The following ARHGAP6 variants were observed in gnomAD, a reference collection of about 807,000 sequenced individuals.
ARHGAP6 encodes rho GTPase-activating protein 6.
A neutral mutation model predicts 55.7 loss-of-function variants in ARHGAP6; 16 were observed. The observed-to-expected ratio is 0.29, with a 90% CI of 0.19 to 0.44. The LOEUF is 0.44. Ranked by LOEUF, ARHGAP6 falls within the 20% of genes least tolerant of loss-of-function variation. ARHGAP6 has a pLI of 1.00. For missense variants in ARHGAP6, 698 were observed against 808.9 expected (o/e 0.86, Z 1.66); for synonymous variants, 382 against 360.9 (o/e 1.06, Z -0.66).
At chrX:11,582,437 A>G (rs1317862414) in intron 1 of ARHGAP6, among the ~76,000 whole-genome samples, 3 of 112,146 alleles carry the variant, frequency 2.7e-5, no homozygotes, top group Non-Finnish European at 5.6e-5. Flanking sequence ...CTTCAATTTC[A>G]TTTCTTTGAA....
intron 1 of ARHGAP6, among the ~76,000 whole-genome samples, chrX:11,446,927 T>C (rs1300891671): frequency 8.9e-6 from 1 of 112,118 alleles, no homozygotes; most frequent in East Asian, 2.8e-4. Context: ...AAAAAAGTGC[T>C]TATTAATGAG....
intron 2 of ARHGAP6, among the ~76,000 whole-genome samples, chrX:11,249,089 C>A (rs979139939): frequency 8.9e-6 from 1 of 111,762 alleles, no homozygotes; most frequent in Admixed American, 9.5e-5. Context: ...TACTACTCAG[C>A]CATAAGAAGG....
chrX:11,651,858 G>A (rs1478419853), intron 1 of ARHGAP6, among the ~76,000 whole-genome samples: 2 of 111,902 alleles, frequency 1.8e-5, no homozygotes, highest in African/African-American at 6.5e-5. Context: ...GTATCTCATT[G>A]TGGTTTTGAT....
intron 1 of ARHGAP6, among the ~76,000 whole-genome samples, chrX:11,415,053 G>A (rs921999657): frequency 8.9e-6 from 1 of 111,994 alleles, no homozygotes; most frequent in East Asian, 2.8e-4. Flanking sequence ...AGTATGTGAA[G>A]TAATGCATAT....
intron 1 of ARHGAP6, among the ~76,000 whole-genome samples, chrX:11,653,819 C>T (rs1050843785): frequency 8.9e-6 from 1 of 112,005 alleles, no homozygotes; most frequent in African/African-American, 3.2e-5. Context: ...ACTTCATTTT[C>T]TCTGCAGCTA....
chrX:11,255,375 T>A (rs978664001), intron 1 of ARHGAP6, among the ~76,000 whole-genome samples: 13 of 110,490 alleles, frequency 1.2e-4, no homozygotes, highest in African/African-American at 3.9e-4. Context: ...GTTAACATTT[T>A]TTACCTATCT....
At chrX:11,444,769 T>C (rs921396612) in intron 1 of ARHGAP6, among the ~76,000 whole-genome samples, 2 of 112,343 alleles carry the variant, frequency 1.8e-5, no homozygotes, top group African/African-American at 3.2e-5. Context: ...TGCATACTTA[T>C]TTTAGCAAAG....
At chrX:11,624,579 T>C (rs1194962040) in intron 1 of ARHGAP6, among the ~76,000 whole-genome samples, 1 of 112,567 alleles carries the variant, frequency 8.9e-6, no homozygotes, top group Non-Finnish European at 1.9e-5. Context: ...TCTTTTTTTC[T>C]TTTTTTTGAG....
chrX:11,158,147 A>AG (rs1366071696), intron 9 of ARHGAP6, among the ~76,000 whole-genome samples: 1 of 111,967 alleles, frequency 8.9e-6, no homozygotes, highest in Non-Finnish European at 1.9e-5. Context: ...CTGCTACCCA[A>AG]GCCTTAGCTC....
At chrX:11,290,438 G>A (rs766042414) in intron 1 of ARHGAP6, 8 of 375,726 alleles carry the variant, frequency 2.1e-5, no homozygotes, top group Admixed American at 1.3e-4. Context: ...GGAATTCATC[G>A]GTGGTTTTGT....
At chrX:11,486,960 G>A (rs2050517240) in intron 1 of ARHGAP6, among the ~76,000 whole-genome samples, 1 of 111,324 alleles carries the variant, frequency 9.0e-6, no homozygotes, top group African/African-American at 3.3e-5. Flanking sequence ...GAGGCTGGTG[G>A]TGGCAATGGG....
Position 11,251,249 on chromosome X carries a change from C to G in ARHGAP6, c.748+3299G>C, listed in dbSNP as rs370985510. Among the ~76,000 whole-genome samples the G allele has an allele frequency of 4.7e-4, 53 of 111,628 alleles. No homozygotes were observed. In the South Asian group the frequency reaches 0.02, roughly 41 times the overall value. ...ATTTTGTTGGACGCTGAGACGCAATCTGGAGTAAAATCCCACGTGCCCTCC... is the reference window on the plus strand; with the variant it reads ...ATTTTGTTGGACGCTGAGACGCAATGTGGAGTAAAATCCCACGTGCCCTCC... On this transcript the variant is annotated intron_variant, in intron 2 of 12. Coordinates refer to ENST00000337414, the MANE Select transcript of ARHGAP6 (RefSeq NM_013427.3).
At position 11,665,413 on chromosome X, in the gene ARHGAP6, G is replaced by T. The variant is rs1225008163; in HGVS notation, c.-585C>A. ...CTCCCTGCACTCTCTCCTTGCCCCGGCGCCCGAGGTTGCGCGCCTGGCCTC... is the reference window on the plus strand; with the variant it reads ...CTCCCTGCACTCTCTCCTTGCCCCGTCGCCCGAGGTTGCGCGCCTGGCCTC... On this transcript the variant is annotated 5_prime_UTR_variant, in exon 1 of 13. Transcript: ENST00000337414. 1 of 113,667 alleles carries T rather than the reference G, an allele frequency of 8.8e-6. No homozygotes were observed. The highest frequency in any genetic ancestry group is 1.9e-5 in the Non-Finnish European group (1 of 53,477). 9.4% of individuals were successfully genotyped at this position (113,667 alleles called of 1,213,427 possible).
At chrX:11,275,692 G>T (rs184720437) in intron 1 of ARHGAP6, among the ~76,000 whole-genome samples, 7 of 111,541 alleles carry the variant, frequency 6.3e-5, no homozygotes, top group African/African-American at 2.0e-4. Flanking sequence ...ACACAAGATC[G>T]CTCAAGATCT....
At chrX:11,425,055 C>T (rs2049864532) in intron 1 of ARHGAP6, among the ~76,000 whole-genome samples, 1 of 112,108 alleles carries the variant, frequency 8.9e-6, no homozygotes, top group Non-Finnish European at 1.9e-5. Context: ...AGGCATTCAA[C>T]AAATGTTTAT....
At chrX:11,657,863 G>A (rs1171514340) in intron 1 of ARHGAP6, among the ~76,000 whole-genome samples, 3 of 111,860 alleles carry the variant, frequency 2.7e-5, no homozygotes, top group African/African-American at 9.8e-5. Context: ...GTGTGATGGG[G>A]ATAGGAGGAG....
chrX:11,664,561 C>T lies in ARHGAP6; in HGVS notation c.268G>A (p.Ala90Thr), dbSNP rs2052734545. Residue 90 changes from alanine to threonine, a missense_variant, in exon 1 of 13, where the codon GCC becomes ACC. This residue lies in a region of ARHGAP6 where 164 missense variants were observed against 149.2 expected (regional missense o/e 1.10). Coordinates refer to ENST00000337414, the MANE Select transcript of ARHGAP6 (RefSeq NM_013427.3). The stretch of plus-strand genomic sequence containing the variant: ...GGTCCAGGAGGCGGTAGCCTGGTGG[C>T]CCTGGGGGGCGGACCCCGGGAAGAG... The part of the protein sequence containing the change: ...ASSSRGPPPR[A>T]TRLPPPGPLC... 1 of 1,190,283 alleles carries T rather than the reference C, an allele frequency of 8.4e-7. No homozygotes were observed.
chrX:11,376,655 G>T (rs748201608), intron 1 of ARHGAP6, among the ~76,000 whole-genome samples: 11 of 112,720 alleles, frequency 9.8e-5, no homozygotes, highest in Non-Finnish European at 1.7e-4. Context: ...ATTTATTATT[G>T]CATCAATAGA....
intron 1 of ARHGAP6, among the ~76,000 whole-genome samples, chrX:11,341,431 T>C (rs1199316670): frequency 8.9e-6 from 1 of 111,843 alleles, no homozygotes; most frequent in East Asian, 2.8e-4. Flanking sequence ...GAAAGATAAA[T>C]AATACAAGAA....
Sources: gnomAD v4.1 joint callset for allele counts (sites outside exome capture counted in the v4.1 genomes callset) on GRCh38, gnomAD v4.1.1 for gene constraint, gnomAD v4.1.1 regional missense constraint, MANE v1.5 for transcripts, NCBI Gene and HGNC (gene_info 2026-07-23, HGNC 2026-07-21) for gene names.